The following KDM4C variants were observed in gnomAD, a reference collection of about 807,000 sequenced individuals.
KDM4C encodes the protein lysine-specific demethylase 4C.
A neutral mutation model predicts 129.3 loss-of-function variants in KDM4C; 81 were observed. The observed-to-expected ratio is 0.63, with a 90% CI of 0.52 to 0.75. The LOEUF (loss-of-function observed/expected upper bound fraction) is 0.75, where lower values mean the gene tolerates loss of function less well. Ranked by LOEUF, KDM4C falls within the 30% of genes least tolerant of loss-of-function variation. The pLI is 0.00. For synonymous variants in KDM4C, 573 were observed against 456.1 expected, an observed-to-expected ratio of 1.26 and a Z score of -3.26; for missense variants, 1,457 against 1,304.0, an observed-to-expected ratio of 1.12 and a Z score of -1.81.
chr9:6,922,786 C>T (rs1821772435), intron 8 of KDM4C, among the ~76,000 whole-genome samples: 2 of 152,214 alleles, frequency 1.3e-5, no homozygotes, highest in Non-Finnish European at 2.9e-5. Flanking sequence ...TATCCTCAAG[C>T]AGTTAACTGA....
In KDM4C at chr9:7,119,713, C is replaced by T. The variant is rs143178474; in HGVS notation, c.2611-8353C>T. ...TGTAATCTTCTGTGTTTATTTTATG[C>T]ATTTGAAAACATAGTTCTGAGTAGG... On this transcript the variant is annotated intron_variant, in intron 18 of 21. Transcript: ENST00000381309. Among the ~76,000 whole-genome samples, 13 of 152,046 alleles carry T rather than the reference C, an allele frequency of 8.6e-5. No homozygotes were observed. In the East Asian group the frequency reaches 2.5e-3, roughly 29 times the overall value.
chr9:7,100,020 C>T (rs1836891928), intron 17 of KDM4C, among the ~76,000 whole-genome samples: 1 of 152,122 alleles, frequency 6.6e-6, no homozygotes, highest in South Asian at 2.1e-4. Context: ...CTAGCCTTGA[C>T]TCTCAGATGA....
intron 12 of KDM4C, among the ~76,000 whole-genome samples, chr9:6,993,509 C>G (rs1819130365): frequency 6.6e-6 from 1 of 152,084 alleles, no homozygotes; most frequent in South Asian, 2.1e-4. Context: ...TTGTTTTATT[C>G]TCGAAGCATC....
chr9:7,134,896 G>C (rs1297963839), intron 19 of KDM4C, among the ~76,000 whole-genome samples: 1 of 152,176 alleles, frequency 6.6e-6, no homozygotes, highest in Non-Finnish European at 1.5e-5. Flanking sequence ...TAAACCTTGT[G>C]CCTTTCACTG....
chr9:6,990,606 GAA>G, intron 12 of KDM4C, 82 bp downstream of exon 12: 1 of 859,756 alleles, frequency 1.2e-6, no homozygotes, highest in Non-Finnish European at 1.8e-6. Context: ...TTGCTGAATA[GAA>G]AAAAAATTCA....
chr9:6,741,750 T>C (rs147398524), intron 1 of KDM4C, among the ~76,000 whole-genome samples: 1 of 147,354 alleles, frequency 6.8e-6, no homozygotes. Context: ...TTAAAAATAA[T>C]AGAGACAGGG....
At chr9:7,126,833 G>C (rs766418843) in intron 18 of KDM4C, among the ~76,000 whole-genome samples, 5 of 151,100 alleles carry the variant, frequency 3.3e-5, no homozygotes, top group Non-Finnish European at 5.9e-5. Flanking sequence ...TATCAGACAA[G>C]ATAGTAAAGA....
chr9:6,883,392 A>T (rs2130803162), intron 6 of KDM4C, among the ~76,000 whole-genome samples: 1 of 152,348 alleles, frequency 6.6e-6, no homozygotes, highest in East Asian at 1.9e-4. Context: ...TGCCTTAGGC[A>T]TGGAGATCAA....
chr9:7,076,888 G>T (rs1833985205), intron 17 of KDM4C: 11 of 991,896 alleles, frequency 1.1e-5, no homozygotes, highest in Non-Finnish European at 1.2e-5. Context: ...TGCATCCTGA[G>T]GTTGTCTCCT....
intron 13 of KDM4C, among the ~76,000 whole-genome samples, chr9:7,012,267 C>T (rs375314940): frequency 1.2e-4 from 18 of 152,084 alleles, no homozygotes; most frequent in Non-Finnish European, 2.5e-4. Context: ...TTTGTAGCGA[C>T]TGGGTCTTAC....
chr9:6,905,065 G>A (rs1477053252), intron 8 of KDM4C, among the ~76,000 whole-genome samples: 3 of 152,212 alleles, frequency 2.0e-5, no homozygotes, highest in African/African-American at 7.2e-5. Context: ...GAGAGCAGAT[G>A]GTGCTTAAAA....
At chr9:7,039,963 T>C (rs1461904410) in intron 15 of KDM4C, among the ~76,000 whole-genome samples, 1 of 152,108 alleles carries the variant, frequency 6.6e-6, no homozygotes, top group African/African-American at 2.4e-5. Flanking sequence ...TAATTTTTGC[T>C]GATAGAACCA....
chr9:6,878,951 G>T (rs1270377772), intron 5 of KDM4C, among the ~76,000 whole-genome samples: 1 of 152,166 alleles, frequency 6.6e-6, no homozygotes, highest in Non-Finnish European at 1.5e-5. Flanking sequence ...TCCCATTTCG[G>T]TTGGAACAAT....
chr9:7,139,813 C>T (rs1841563932), intron 19 of KDM4C, among the ~76,000 whole-genome samples: 1 of 152,198 alleles, frequency 6.6e-6, no homozygotes, highest in East Asian at 1.9e-4. Flanking sequence ...CTGTATGAGT[C>T]TGCAGCAACC....
At chr9:7,104,793 C>A (rs1837493409) in intron 18 of KDM4C, among the ~76,000 whole-genome samples, 1 of 152,208 alleles carries the variant, frequency 6.6e-6, no homozygotes, top group Non-Finnish European at 1.5e-5. Flanking sequence ...TCTCCTATGT[C>A]CCTAATAACC....
At chr9:7,060,416 T>C (rs1831461591) in intron 17 of KDM4C, among the ~76,000 whole-genome samples, 1 of 150,658 alleles carries the variant, frequency 6.6e-6, no homozygotes, top group Non-Finnish European at 1.5e-5. Context: ...GTGTTAATAC[T>C]AATTCTAAAT....
chr9:7,022,584 T>C (rs528641013), intron 15 of KDM4C, among the ~76,000 whole-genome samples: 4 of 152,072 alleles, frequency 2.6e-5, no homozygotes, highest in Non-Finnish European at 5.9e-5. Flanking sequence ...TTATATCATC[T>C]GCAAACAACA....
At chr9:6,799,447 C>G (rs1312362604) in intron 2 of KDM4C, among the ~76,000 whole-genome samples, 1 of 152,110 alleles carries the variant, frequency 6.6e-6, no homozygotes, top group Non-Finnish European at 1.5e-5. Context: ...CGTCTGCAAT[C>G]GCAGGCACTC....
At chr9:6,830,440 G>A (rs1209021558) in intron 4 of KDM4C, among the ~76,000 whole-genome samples, 1 of 151,862 alleles carries the variant, frequency 6.6e-6, no homozygotes, top group Admixed American at 6.5e-5. Flanking sequence ...GTGGGCTTTT[G>A]GGGGGTCACT....
Sources: allele counts gnomAD v4.1 joint callset (sites outside exome capture counted in the v4.1 genomes callset), GRCh38; gene constraint gnomAD v4.1.1; transcripts MANE v1.5; gene names NCBI Gene and HGNC (gene_info 2026-07-23, HGNC 2026-07-21).